DPP10: variants seen among roughly 807,000 people sequenced by gnomAD.
The protein encoded by DPP10 is dipeptidyl peptidase like 10.
DPP10 carries 33 observed loss-of-function variants against 120.9 expected under a neutral mutation model. That is an observed-to-expected ratio of 0.27 (90% CI 0.21 to 0.37). The LOEUF is 0.37. Ranked by LOEUF, DPP10 falls within the 10% of genes least tolerant of loss-of-function variation. The probability of loss-of-function intolerance (pLI) is 1.00; values close to 1 mark genes in which losing one functional copy is unlikely to be tolerated. For synonymous variants in DPP10, 337 were observed against 326.1 expected (o/e 1.03, Z -0.36); for missense variants, 816 against 942.8 (o/e 0.87, Z 1.76).
At chr2:115,605,250 CATA>C (rs1177527565) in intron 5 of DPP10, among the ~76,000 whole-genome samples, 4 of 152,114 alleles carry the variant, frequency 2.6e-5, no homozygotes, top group Non-Finnish European at 4.4e-5. Context: ...TGATAAGAAA[CATA>C]ATAGTATCAC....
intron 1 of DPP10, among the ~76,000 whole-genome samples, chr2:114,696,203 T>C (rs924830079): frequency 1.2e-4 from 18 of 152,186 alleles, no homozygotes; most frequent in African/African-American, 3.9e-4. Context: ...TTTCCATCAA[T>C]GTCTTGCTCC....
At chr2:115,013,564 C>T (rs972178473) in intron 1 of DPP10, among the ~76,000 whole-genome samples, 5 of 148,948 alleles carry the variant, frequency 3.4e-5, no homozygotes, top group South Asian at 2.1e-4. Context: ...TCAAACACAT[C>T]GGTGGGCTGT....
At chr2:115,718,582 A>C (rs1559069902) in intron 7 of DPP10, among the ~76,000 whole-genome samples, 1 of 152,074 alleles carries the variant, frequency 6.6e-6, no homozygotes, top group African/African-American at 2.4e-5. Flanking sequence ...GCAATCAGTC[A>C]TATTAGGCAG....
intron 1 of DPP10, among the ~76,000 whole-genome samples, chr2:115,069,679 T>C (rs1707212730): frequency 6.6e-6 from 1 of 152,164 alleles, no homozygotes; most frequent in Admixed American, 6.5e-5. Flanking sequence ...AGTGGTAAGA[T>C]GTACAGGTTT....
intron 1 of DPP10, among the ~76,000 whole-genome samples, chr2:114,455,156 T>TTGTGTG (rs141717813): frequency 0.14 from 20,449 of 147,314 alleles, 1,586 homozygotes; most frequent in East Asian, 0.29. Context: ...TTTCTTTCTA[T>TTGTGTG]TGTGTGTGTG....
At chr2:115,469,884 G>GGAAAAAAAAA (rs1558709609) in intron 3 of DPP10, among the ~76,000 whole-genome samples, 4 of 75,536 alleles carry the variant, frequency 5.3e-5, no homozygotes, top group African/African-American at 1.0e-4. Context: ...GGCAACAAGA[G>GGAAAAAAAAA]AAAAAAAAAA....
At chr2:115,118,320 C>A (rs1441588902) in intron 1 of DPP10, among the ~76,000 whole-genome samples, 1 of 152,210 alleles carries the variant, frequency 6.6e-6, no homozygotes, top group South Asian at 2.1e-4. Flanking sequence ...TAATTTCTAT[C>A]ACTATCGACC....
chr2:115,548,324 G>T (rs1043339944), intron 5 of DPP10, among the ~76,000 whole-genome samples: 3 of 152,096 alleles, frequency 2.0e-5, no homozygotes, highest in African/African-American at 7.2e-5. Flanking sequence ...AAGACTGAAA[G>T]AAAAGTTTCT....
At chr2:115,223,652 A>G (rs2057292763) in intron 1 of DPP10, among the ~76,000 whole-genome samples, 1 of 152,126 alleles carries the variant, frequency 6.6e-6, no homozygotes, top group Admixed American at 6.6e-5. Flanking sequence ...GGAACGAGTA[A>G]ACGAAAATGC....
chr2:115,478,039 G>A (rs1024154327), intron 3 of DPP10, among the ~76,000 whole-genome samples: 2 of 152,090 alleles, frequency 1.3e-5, no homozygotes, highest in African/African-American at 4.8e-5. Context: ...TGTGAACTCG[G>A]AGTGAGAACT....
At chr2:115,723,308 C>T (rs6730451) in intron 7 of DPP10, among the ~76,000 whole-genome samples, 126,443 of 152,158 alleles carry the variant, frequency 0.83, 53,173 homozygotes, top group East Asian at 0.99. Flanking sequence ...GGGCTTCCGT[C>T]GAATTCTTTG....
chr2:114,696,797 C>T (rs767944428), intron 1 of DPP10, among the ~76,000 whole-genome samples: 70 of 151,866 alleles, frequency 4.6e-4, no homozygotes, highest in Non-Finnish European at 9.9e-4. Context: ...GAGGCAAAAG[C>T]CATATCGCTT....
chr2:115,577,639 G>A (rs2081757910), intron 5 of DPP10, among the ~76,000 whole-genome samples: 1 of 152,168 alleles, frequency 6.6e-6, no homozygotes, highest in African/African-American at 2.4e-5. Flanking sequence ...TCTGGAAGCT[G>A]GAAGTTTAAG....
At chr2:115,207,896 G>A (rs888958667) in intron 1 of DPP10, among the ~76,000 whole-genome samples, 4 of 152,218 alleles carry the variant, frequency 2.6e-5, no homozygotes, top group East Asian at 1.9e-4. Context: ...GCAGGGAAAC[G>A]AGTAAGCATA....
At chr2:114,608,715 A>G (rs943204325) in intron 1 of DPP10, among the ~76,000 whole-genome samples, 10 of 152,166 alleles carry the variant, frequency 6.6e-5, no homozygotes, top group African/African-American at 1.9e-4. Context: ...AAAAAAAAAA[A>G]CAGTGAAATC....
chr2:114,885,770 T>C (rs961892491), intron 1 of DPP10, among the ~76,000 whole-genome samples: 1 of 152,222 alleles, frequency 6.6e-6, no homozygotes, highest in African/African-American at 2.4e-5. Flanking sequence ...CAGTGAAGAC[T>C]GTAGAATATT....
At chr2:114,660,134 A>C (rs1044462672) in intron 1 of DPP10, among the ~76,000 whole-genome samples, 1 of 152,214 alleles carries the variant, frequency 6.6e-6, no homozygotes, top group Non-Finnish European at 1.5e-5. Context: ...AAGCTGGTAT[A>C]GGAAGCTGGT....
Position 115,135,343 on chromosome 2 carries a change from C to T in DPP10, c.61-173896C>T, listed in dbSNP as rs940409659. On this transcript the variant is annotated intron_variant, in intron 1 of 25. Transcript: ENST00000410059. ...CTTCCTTCCTAATATGTGCATCCTG[C>T]CTCAATTCCCTATCTACCTTCTTGC... 2.0e-5 allele frequency among the ~76,000 whole-genome samples: 3 copies of T among 152,090 alleles called. No individual in the cohort carries two copies. The South Asian group carries it at 6.2e-4, about 32-fold the overall frequency.
chr2:114,617,375 T>A (rs1457858250), intron 1 of DPP10, among the ~76,000 whole-genome samples: 2 of 152,144 alleles, frequency 1.3e-5, no homozygotes, highest in East Asian at 3.9e-4. Context: ...AGCTTATATG[T>A]AAATAATTGA....
Sources: allele counts gnomAD v4.1 joint callset (sites outside exome capture counted in the v4.1 genomes callset), GRCh38; gene constraint gnomAD v4.1.1; transcripts MANE v1.5; gene names NCBI Gene and HGNC (gene_info 2026-07-23, HGNC 2026-07-21).